The following CAMKK2 variants were observed in gnomAD, a reference collection of about 807,000 sequenced individuals.
CAMKK2 encodes calcium/calmodulin-dependent protein kinase kinase 2.
Under a neutral mutation model 67.2 loss-of-function variants are expected in CAMKK2, and 30 were observed. The ratio of observed to expected loss-of-function variants is 0.45; its 90% confidence interval spans 0.33 to 0.61. The LOEUF is 0.61. Ranked by LOEUF, CAMKK2 falls within the 20% of genes least tolerant of loss-of-function variation. CAMKK2 has a pLI of 0.02. For missense variants in CAMKK2, 643 were observed against 802.0 expected (o/e 0.80, Z 2.39); for synonymous variants, 322 against 326.2 (o/e 0.99, Z 0.14).
In CAMKK2 at chr12:121,253,590, C is replaced by A; in HGVS notation, c.908-118G>T. ...CACCCCTCTGATGCCTTGTCTCCCA[C>A]AGCCCCAGGCCTTTTCCAACCTTCC... On this transcript the variant is annotated intron_variant, in intron 9 of 16. Transcript: ENST00000404169. The surrounding 1 kb of genome is among the most constrained non-coding windows in gnomAD (Gnocchi z 5.0). The A allele has an allele frequency of 1.2e-6, 1 of 839,546 alleles. No homozygotes were observed. Among genetic ancestry groups the A allele is most frequent in the South Asian group, 1.5e-5 (1 of 67,956 alleles). 52.0% of individuals were successfully genotyped at this position (839,546 alleles called of 1,614,324 possible).
chr12:121,281,276 G>A (rs930254955), intron 1 of CAMKK2, among the ~76,000 whole-genome samples: 11 of 152,178 alleles, frequency 7.2e-5, no homozygotes, highest in Non-Finnish European at 1.3e-4. Flanking sequence ...TACCTCCCGC[G>A]CAGCAAGCTG....
chr12:121,252,502 T>TCTAGTGATCCGC (rs1555248975), intron 11 of CAMKK2, among the ~76,000 whole-genome samples, 159 bp downstream of exon 11: 1 of 151,718 alleles, frequency 6.6e-6, no homozygotes, highest in Non-Finnish European at 1.5e-5. Context: ...ACTCCTAACC[T>TCTAGTGATCCGC]CTGCCTCAGC....
chr12:121,271,881 T>C (rs137957768), intron 2 of CAMKK2, among the ~76,000 whole-genome samples: 3 of 152,262 alleles, frequency 2.0e-5, no homozygotes, highest in African/African-American at 4.8e-5. Context: ...CTAAATTCTT[T>C]GTATTTTTAG....
At chr12:121,273,405 A>G (rs972785261) in intron 2 of CAMKK2, among the ~76,000 whole-genome samples, 4 of 152,150 alleles carry the variant, frequency 2.6e-5, no homozygotes, top group African/African-American at 9.6e-5. Context: ...GAGGGATGGG[A>G]AAGGGTCAGA....
At chr12:121,276,600 G>A (rs981292448) in intron 1 of CAMKK2, among the ~76,000 whole-genome samples, 1 of 152,166 alleles carries the variant, frequency 6.6e-6, no homozygotes, top group Non-Finnish European at 1.5e-5. Flanking sequence ...AGGTACCACT[G>A]GAATTCAGGG....
In CAMKK2 at chr12:121,268,505, G is replaced by T. The variant is rs573385603; in HGVS notation, c.625+133C>A. 3 of 830,878 alleles carry T rather than the reference G, an allele frequency of 3.6e-6. No homozygotes were observed. In the East Asian group the frequency reaches 7.5e-5, roughly 21 times the overall value. 51.5% of individuals were successfully genotyped at this position (830,878 alleles called of 1,614,324 possible). A position where few individuals can be genotyped will look rare whatever the true frequency, so the allele number is the denominator to read the frequency against. On this transcript the variant is annotated intron_variant, in intron 5 of 16. Transcript: ENST00000404169. ...CTCCTCCCAGGTTCAAGCAATTCTT[G>T]TGCCTCAGCCTCCCAAGTAGCTGGA...
At chr12:121,256,315 G>C (rs906513220) in intron 7 of CAMKK2, among the ~76,000 whole-genome samples, 24 of 152,116 alleles carry the variant, frequency 1.6e-4, no homozygotes, top group African/African-American at 5.3e-4. Flanking sequence ...GACAGCGGAG[G>C]TTGCAGTGAG....
intron 5 of CAMKK2, among the ~76,000 whole-genome samples, chr12:121,265,802 G>A (rs1894410612): frequency 6.6e-6 from 1 of 151,666 alleles, no homozygotes; most frequent in African/African-American, 2.4e-5. Flanking sequence ...AGTTTGCAGT[G>A]AACCAAGATA....
At chr12:121,277,031 C>T (rs556557652) in intron 1 of CAMKK2, among the ~76,000 whole-genome samples, 15 of 152,032 alleles carry the variant, frequency 9.9e-5, no homozygotes, top group Non-Finnish European at 1.3e-4. Flanking sequence ...GTACAGACAG[C>T]GGAAAGCCAG....
rs1447513942 is a variant in CAMKK2 at position 121,245,198 on chromosome 12, G to A, written c.1495C>T (p.Pro499Ser). ...TMIRKRSFGN[P>S]FEGSRREERS... Reference sequence around the variant, plus strand: ...TCCTCCCGCCGGCTGCCCTCGAATGGGTTCCCAAAGGAGCGTTTACGTATC... The same window carrying A: ...TCCTCCCGCCGGCTGCCCTCGAATGAGTTCCCAAAGGAGCGTTTACGTATC... Residue 499 changes from proline to serine, a missense_variant, in exon 15 of 17, where the codon CCA becomes TCA. Pro to Ser is a moderately conservative substitution (Grantham distance 74). Around this residue, in one of 3 missense-constraint regions of CAMKK2, gnomAD observed 20 missense variants for 52.0 expected, o/e 0.38. Coordinates refer to ENST00000404169, the MANE Select transcript of CAMKK2 (RefSeq NM_001270485.2). The surrounding 1 kb of genome is among the most constrained non-coding windows in gnomAD (Gnocchi z 5.8). 6.2e-7 allele frequency: 1 copy of A among 1,609,298 alleles called. No homozygotes were observed. The highest frequency in any genetic ancestry group is 8.5e-7 in the Non-Finnish European group (1 of 1,177,594).
At chr12:121,252,181 G>C (rs1197949548) in intron 11 of CAMKK2, among the ~76,000 whole-genome samples, 1 of 152,198 alleles carries the variant, frequency 6.6e-6, no homozygotes, top group Non-Finnish European at 1.5e-5. Context: ...TTTTTTCATA[G>C]ATATGATCAT....
At chr12:121,255,488 G>A in intron 9 of CAMKK2, 62 bp downstream of exon 9, 1 of 1,381,130 alleles carries the variant, frequency 7.2e-7, no homozygotes, top group Non-Finnish European at 1.0e-6. Context: ...TTTCCACTTT[G>A]CACCCACGCT....
At chr12:121,272,573 G>T (rs1895978656) in intron 2 of CAMKK2, among the ~76,000 whole-genome samples, 1 of 151,876 alleles carries the variant, frequency 6.6e-6, no homozygotes, top group Non-Finnish European at 1.5e-5. Context: ...TTCAAAATCA[G>T]CCCCTTTGGC....
intron 1 of CAMKK2, among the ~76,000 whole-genome samples, chr12:121,289,812 G>A (rs35933304): frequency 0.039 from 5,829 of 151,016 alleles, 145 homozygotes; most frequent in Middle Eastern, 0.088. Context: ...ACAATCGCCT[G>A]AACCCAGGAG....
At chr12:121,248,579 T>C (rs775835219) in intron 14 of CAMKK2, 27 bp downstream of exon 14, 25 of 1,613,742 alleles carry the variant, frequency 1.5e-5, no homozygotes, top group African/African-American at 5.3e-5. Flanking sequence ...GGGTCCCTGC[T>C]CTGGGTCAGG....
intron 1 of CAMKK2, among the ~76,000 whole-genome samples, chr12:121,292,231 T>C (rs1243613513): frequency 6.6e-6 from 1 of 151,630 alleles, no homozygotes; most frequent in Non-Finnish European, 1.5e-5. Context: ...GTTCAAGCGA[T>C]TCTCCTGTCT....
chr12:121,269,691 G>T, intron 3 of CAMKK2, 110 bp from the exon 4 acceptor site: 1 of 797,452 alleles, frequency 1.3e-6, no homozygotes. Context: ...AATCTGTCCC[G>T]CAACTGTATT....
chr12:121,277,599 C>CG (rs964999875), intron 1 of CAMKK2, among the ~76,000 whole-genome samples: 78 of 152,300 alleles, frequency 5.1e-4, no homozygotes, highest in African/African-American at 1.8e-3. Context: ...ACCGTGAAGA[C>CG]ATACGCTAAG....
intron 5 of CAMKK2, 99 bp downstream of exon 5, chr12:121,268,539 C>A: frequency 9.1e-7 from 1 of 1,104,856 alleles, no homozygotes; most frequent in Non-Finnish European, 1.4e-6. Flanking sequence ...GAACTACAGG[C>A]ATGTGGCACC....
Sources: allele counts gnomAD v4.1 joint callset (sites outside exome capture counted in the v4.1 genomes callset), GRCh38; gene constraint gnomAD v4.1.1; regional missense constraint gnomAD v4.1.1; non-coding constraint Gnocchi (gnomAD v3.1); transcripts MANE v1.5; gene names NCBI Gene and HGNC (gene_info 2026-07-23, HGNC 2026-07-21).